Variants in SETDB2 observed in about 807,000 individuals in gnomAD.
The protein encoded by SETDB2 is histone-lysine N-methyltransferase SETDB2.
SETDB2 carries 56 observed loss-of-function variants against 82.5 expected under a neutral mutation model. That is an observed-to-expected ratio of 0.68 (90% CI 0.55 to 0.85). The LOEUF (loss-of-function observed/expected upper bound fraction) is 0.85, where lower values mean the gene tolerates loss of function less well. Among genes scored for constraint, SETDB2 ranks in the 40% least tolerant of loss-of-function variants. SETDB2 has a pLI of 0.00. For synonymous variants in SETDB2, 272 were observed against 284.9 expected (o/e 0.95, Z 0.46); for missense variants, 677 against 816.4 (o/e 0.83, Z 2.08).
chr13:49,444,730 C>G lies in SETDB2; in HGVS notation c.-469C>G, dbSNP rs1023986694. Reference sequence around the variant, plus strand: ...ATTTCAGCCTGTCTGTCTCAGGGTGCAGCCTTAATGAGAGGTGATTCCTAA... The same window carrying G: ...ATTTCAGCCTGTCTGTCTCAGGGTGGAGCCTTAATGAGAGGTGATTCCTAA... On this transcript the variant is annotated 5_prime_UTR_variant, in exon 1 of 14. Coordinates refer to ENST00000611815, the MANE Select transcript of SETDB2 (RefSeq NM_001160308.3). 6.5e-6 allele frequency: 1 copy of G among 152,962 alleles called. No homozygotes were observed. The highest frequency in any genetic ancestry group is 6.5e-5 in the Admixed American group (1 of 15,390). The allele number at this position is 152,962 out of a possible 1,614,324, so 9.5% of individuals were successfully genotyped here.
At chr13:49,448,937 A>G (rs1957740131) in intron 1 of SETDB2, among the ~76,000 whole-genome samples, 1 of 152,220 alleles carries the variant, frequency 6.6e-6, no homozygotes. Context: ...TGAATATTAA[A>G]TCTGGTGAAT....
In SETDB2 at chr13:49,492,010, GAACAC is replaced by G; in HGVS notation, c.*164_*168del. ...TATTTGTGTGACTTAGAAATTCCAGGAACACAATTAGGATATTTTCATACACATAG... is the reference window on the plus strand; with the variant it reads ...TATTTGTGTGACTTAGAAATTCCAGGAATTAGGATATTTTCATACACATAG... On this transcript the variant is annotated 3_prime_UTR_variant, in exon 14 of 14. Transcript: ENST00000611815. 1 of 699,060 alleles carries G rather than the reference GAACAC, an allele frequency of 1.4e-6. No individual in the cohort carries two copies. The highest frequency in any genetic ancestry group is 1.9e-5 in the Admixed American group (1 of 52,062). The allele number at this position is 699,060 out of a possible 1,614,324, so 43.3% of individuals were successfully genotyped here.
At position 49,467,791 on chromosome 13, in the gene SETDB2, A is replaced by G. The variant is rs560478143; in HGVS notation, c.209-73A>G. 14 of 1,107,712 alleles carry G rather than the reference A, an allele frequency of 1.3e-5. No homozygotes were observed. The East Asian group carries it at 3.1e-4, about 25-fold the overall frequency. The allele number at this position is 1,107,712 out of a possible 1,614,324, so 68.6% of individuals were successfully genotyped here. A position where few individuals can be genotyped will look rare whatever the true frequency, so the allele number is the denominator to read the frequency against. On this transcript the variant is annotated intron_variant, in intron 4 of 13. Coordinates refer to ENST00000611815, the MANE Select transcript of SETDB2 (RefSeq NM_001160308.3). ...TATGGGCAGACTCTAGTCAATGAAC[A>G]TATTACTTGGGTACTTATAGCAAAT...
In SETDB2 at chr13:49,485,533, T is replaced by C. The variant is rs1456494988; in HGVS notation, c.1483-97T>C. The C allele has an allele frequency of 4.4e-6, 4 of 912,858 alleles. No individual in the cohort carries two copies. In the Admixed American group the frequency reaches 6.5e-5, roughly 15 times the overall value. 56.5% of individuals were successfully genotyped at this position (912,858 alleles called of 1,614,324 possible). On this transcript the variant is annotated intron_variant, in intron 10 of 13. Coordinates refer to ENST00000611815, the MANE Select transcript of SETDB2 (RefSeq NM_001160308.3). The stretch of plus-strand genomic sequence containing the variant: ...GGCTTTTCAAAACGAATCTAGTACA[T>C]ATAGCCTATGATGATTGACACTTGA...
chr13:49,476,085 A>G (rs1017044850), intron 5 of SETDB2, among the ~76,000 whole-genome samples: 2 of 152,202 alleles, frequency 1.3e-5, no homozygotes, highest in African/African-American at 4.8e-5. Flanking sequence ...GCTATGAAAT[A>G]CCTAACAGAA....
intron 13 of SETDB2, 56 bp downstream of exon 13, chr13:49,490,966 T>TTTC: frequency 7.0e-7 from 1 of 1,423,138 alleles, no homozygotes; most frequent in Non-Finnish European, 9.8e-7. Context: ...AAAATAACAA[T>TTTC]AGAGGGCTGA....
intron 2 of SETDB2, among the ~76,000 whole-genome samples, chr13:49,452,151 G>A (rs1239804885): frequency 1.3e-5 from 2 of 149,680 alleles, no homozygotes; most frequent in East Asian, 1.9e-4. Flanking sequence ...AGTCTCTGTC[G>A]CCCAGGCTGT....
intron 5 of SETDB2, among the ~76,000 whole-genome samples, chr13:49,472,536 A>C (rs1050556497): frequency 6.6e-6 from 1 of 151,818 alleles, no homozygotes; most frequent in African/African-American, 2.4e-5. Flanking sequence ...TTAATCAATG[A>C]CTGGGTTTAC....
intron 5 of SETDB2, among the ~76,000 whole-genome samples, chr13:49,468,673 A>C (rs1383570049): frequency 6.9e-6 from 1 of 144,106 alleles, no homozygotes; most frequent in Non-Finnish European, 1.5e-5. Flanking sequence ...GAAAAACTAT[A>C]TAATTATTTT....
intron 8 of SETDB2, chr13:49,481,966 C>A: frequency 1.4e-6 from 1 of 699,646 alleles, no homozygotes. Flanking sequence ...TCAGGGAGGG[C>A]AAGAAGAAGC....
At chr13:49,489,931 A>T (rs1252106183) in intron 12 of SETDB2, among the ~76,000 whole-genome samples, 1 of 94,068 alleles carries the variant, frequency 1.1e-5, no homozygotes, top group Non-Finnish European at 2.0e-5. Context: ...TTTTTTTTAC[A>T]TAAAACATAG....
chr13:49,476,367 T>A (rs1594165290), intron 5 of SETDB2, 109 bp from the exon 6 acceptor site: 3 of 751,968 alleles, frequency 4.0e-6, no homozygotes, highest in East Asian at 5.5e-5. Flanking sequence ...TATCTTAGAG[T>A]CTGGCTTATT....
intron 3 of SETDB2, 127 bp downstream of exon 3, chr13:49,460,359 C>A: frequency 1.0e-6 from 1 of 969,278 alleles, no homozygotes; most frequent in Non-Finnish European, 1.4e-6. Flanking sequence ...TGAATAATAC[C>A]TACTGAATTT....
intron 2 of SETDB2, among the ~76,000 whole-genome samples, chr13:49,452,559 T>C (rs1341218631): frequency 6.6e-6 from 1 of 152,190 alleles, no homozygotes; most frequent in Non-Finnish European, 1.5e-5. Context: ...GAACCAATAT[T>C]GGCACATTAT....
chr13:49,448,644 CTT>C (rs2138803755), intron 1 of SETDB2, among the ~76,000 whole-genome samples: 1 of 152,186 alleles, frequency 6.6e-6, no homozygotes, highest in East Asian at 1.9e-4. Flanking sequence ...TGTAAACAGT[CTT>C]TTGGAATTTG....
At chr13:49,490,626 A>G (rs932061783) in intron 12 of SETDB2, among the ~76,000 whole-genome samples, 196 bp from the exon 13 acceptor site, 5 of 152,236 alleles carry the variant, frequency 3.3e-5, no homozygotes, top group Non-Finnish European at 7.3e-5. Context: ...TTCTGCCAGC[A>G]ACATAGAAGA....
Position 49,461,152 on chromosome 13 carries a change from A to G in SETDB2, c.198A>G (p.Thr66=), listed in dbSNP as rs372027385. 9 of 1,605,988 alleles carry G rather than the reference A, an allele frequency of 5.6e-6. No individual in the cohort carries two copies. Among genetic ancestry groups the G allele is most frequent in the Middle Eastern group, 1.7e-4 (1 of 6,042 alleles). ...VNEATIINSS[T]SIKDPMPVTQ... ...AAGCAACTATAATTAACAGTTCAAC[A>G]TCAATAAAGGGTATGTACATCTCTA... The change falls in exon 4 of 14, where the codon ACA becomes ACG. Residue 66 remains threonine (T), a synonymous_variant. Coordinates refer to ENST00000611815, the MANE Select transcript of SETDB2 (RefSeq NM_001160308.3).
At chr13:49,446,003 G>C (rs1052895786) in intron 1 of SETDB2, 6 of 187,800 alleles carry the variant, frequency 3.2e-5, no homozygotes, top group African/African-American at 1.5e-4. Context: ...CAGCACTTTG[G>C]CAGATCACTT....
chr13:49,494,507 G>A lies in SETDB2; in HGVS notation c.*2658G>A, dbSNP rs1239437810. On this transcript the variant is annotated 3_prime_UTR_variant, in exon 14 of 14. Transcript: ENST00000611815. Reference sequence around the variant, plus strand: ...AAAGCTTACTATAAGCTGAGAGTGTGGTAAAGGGCTCTTTGTTTTACTATG... The same window carrying A: ...AAAGCTTACTATAAGCTGAGAGTGTAGTAAAGGGCTCTTTGTTTTACTATG... 6.6e-6 allele frequency: 1 copy of A among 152,108 alleles called. No homozygotes were observed. The highest frequency in any genetic ancestry group is 6.5e-5 in the Admixed American group (1 of 15,284). 9.4% of individuals were successfully genotyped at this position (152,108 alleles called of 1,614,324 possible).
Sources: allele counts gnomAD v4.1 joint callset (sites outside exome capture counted in the v4.1 genomes callset), GRCh38; gene constraint gnomAD v4.1.1; transcripts MANE v1.5; gene names NCBI Gene and HGNC (gene_info 2026-07-23, HGNC 2026-07-21).